COBLL1: variants seen among roughly 807,000 people sequenced by gnomAD.
COBLL1 encodes cordon-bleu protein-like 1.
A neutral mutation model predicts 94.8 loss-of-function variants in COBLL1; 50 were observed. That is an observed-to-expected ratio of 0.53 (90% CI 0.42 to 0.67). The LOEUF is 0.67. Among genes scored for constraint, COBLL1 ranks in the 30% least tolerant of loss-of-function variants. The pLI is 0.00. For synonymous variants in COBLL1, 448 were observed against 473.8 expected (o/e 0.95, Z 0.71); for missense variants, 1,362 against 1,348.7 (o/e 1.01, Z -0.15).
intron 2 of COBLL1, among the ~76,000 whole-genome samples, chr2:164,768,720 T>C (rs188355120): frequency 1.3e-3 from 204 of 152,300 alleles, no homozygotes; most frequent in African/African-American, 4.7e-3. Context: ...ATCTTATTAG[T>C]GTCATCAGAA....
chr2:164,779,627 GA>G (rs1688641712), intron 2 of COBLL1: 1 of 469,762 alleles, frequency 2.1e-6, no homozygotes, highest in African/African-American at 2.0e-5. Context: ...GCCTCCCACA[GA>G]TTCTCAGGCC....
chr2:164,829,590 T>G (rs1474677013), intron 2 of COBLL1, among the ~76,000 whole-genome samples: 1 of 152,014 alleles, frequency 6.6e-6, no homozygotes, highest in Admixed American at 6.5e-5. Context: ...TGTAAATACA[T>G]AAGCAGATCA....
At chr2:164,832,308 T>C (rs1001225556) in intron 2 of COBLL1, among the ~76,000 whole-genome samples, 9 of 152,220 alleles carry the variant, frequency 5.9e-5, no homozygotes, top group Non-Finnish European at 8.8e-5. Flanking sequence ...GGTAAAATGG[T>C]GTATTTAATT....
At chr2:164,821,939 T>C (rs1334355889) in intron 2 of COBLL1, among the ~76,000 whole-genome samples, 1 of 152,222 alleles carries the variant, frequency 6.6e-6, no homozygotes, top group Non-Finnish European at 1.5e-5. Context: ...ACTTTTCCTA[T>C]GGCTGATGTC....
chr2:164,729,917 T>A lies in COBLL1; in HGVS notation c.429A>T (p.Pro143=). ...LDKKKPTPII[P]EKTVRVVINF... is the part of the protein sequence containing the mutation. The stretch of plus-strand genomic sequence containing the variant: ...AAATATATAATGGAATTCTTACCTC[T>A]GGTATTATAGGTGTAGGTTTTTTCT... The change falls in exon 4 of 14, where the codon CCA becomes CCT. Residue 143 remains proline, a synonymous_variant. Transcript: ENST00000652658. 1 of 1,609,590 alleles carries A rather than the reference T, an allele frequency of 6.2e-7. No individual in the cohort carries two copies.
chr2:164,730,871 A>G (rs931113081), intron 3 of COBLL1, among the ~76,000 whole-genome samples: 2 of 152,236 alleles, frequency 1.3e-5, no homozygotes, highest in Admixed American at 1.3e-4. Context: ...TCTGCATAGG[A>G]AGTCCACAAA....
intron 11 of COBLL1, chr2:164,696,195 T>TAAAA (rs200333271): frequency 1.7e-5 from 2 of 117,930 alleles, no homozygotes; most frequent in African/African-American, 5.4e-5. Context: ...AGAAGGTAAA[T>TAAAA]AAAGTTTTTA....
At chr2:164,819,320 CAAGAG>C (rs1236325882) in intron 2 of COBLL1, among the ~76,000 whole-genome samples, 1 of 151,846 alleles carries the variant, frequency 6.6e-6, no homozygotes, top group African/African-American at 2.4e-5. Flanking sequence ...ATAAAGTCAA[CAAGAG>C]AAGAATGGAC....
chr2:164,668,405 G>A (rs1691198351), intron 1 of COBLL1, among the ~76,000 whole-genome samples: 1 of 152,166 alleles, frequency 6.6e-6, no homozygotes, highest in African/African-American at 2.4e-5. Context: ...AATATGTTGC[G>A]TCTCAGGAAA....
downstream of COBLL1, among the ~76,000 whole-genome samples, chr2:164,679,664 C>A (rs148262990): frequency 2.0e-3 from 300 of 151,764 alleles, 2 homozygotes; most frequent in South Asian, 0.023. Context: ...TTTCTCTCGT[C>A]CCTCTTAAAA....
chr2:164,745,407 G>A (rs1686811877), intron 2 of COBLL1, among the ~76,000 whole-genome samples: 1 of 152,126 alleles, frequency 6.6e-6, no homozygotes, highest in African/African-American at 2.4e-5. Flanking sequence ...CTGTAAAGAA[G>A]AATGCCCCCC....
intron 2 of COBLL1, among the ~76,000 whole-genome samples, chr2:164,664,282 A>G (rs974444237): frequency 2.6e-5 from 4 of 152,262 alleles, no homozygotes; most frequent in African/African-American, 9.6e-5. Flanking sequence ...GAGTCATCCC[A>G]TGGTGTTACA....
chr2:164,674,804 C>A (rs183850666), intron 1 of COBLL1, among the ~76,000 whole-genome samples: 1 of 152,112 alleles, frequency 6.6e-6, no homozygotes, highest in Non-Finnish European at 1.5e-5. Context: ...AACATTCATG[C>A]GTAATTTTCT....
At position 164,743,706 on chromosome 2, in the gene COBLL1, A is replaced by G. The variant is rs1686712446; in HGVS notation, c.211T>C (p.Ser71Pro). The change falls in exon 3 of 14, where the codon TCT becomes CCT. Residue 71 changes from serine to proline, a missense_variant. Ser to Pro is a moderately conservative substitution (Grantham distance 74). Coordinates refer to ENST00000652658, the MANE Select transcript of COBLL1 (RefSeq NM_001365672.2). ...SVVLPGDIIK[S>P]TTVHGSKPMM... ...GCGTACCTGCCATGAACAGTAGTAG[A>G]TTTGATAATATCCCCAGGTAGGACC... The G allele has an allele frequency of 1.2e-6, 2 of 1,613,298 alleles. No individual in the cohort carries two copies. Among genetic ancestry groups the G allele is most frequent in the Non-Finnish European group, 1.7e-6 (2 of 1,179,556 alleles).
chr2:164,791,184 T>G (rs1462502831), intron 2 of COBLL1, among the ~76,000 whole-genome samples: 1 of 152,232 alleles, frequency 6.6e-6, no homozygotes, highest in Non-Finnish European at 1.5e-5. Context: ...AAGTATTTTT[T>G]GCAGGTATTT....
chr2:164,800,853 CA>C (rs140961465), intron 2 of COBLL1, among the ~76,000 whole-genome samples: 17,824 of 152,188 alleles, frequency 0.12, 1,388 homozygotes, highest in Admixed American at 0.18. Context: ...ATTCAAACTA[CA>C]GTGACAAAGA....
At position 164,822,086 on chromosome 2, in the gene COBLL1, G is replaced by C. The variant is rs529273565; in HGVS notation, c.41+19070C>G. 2.6e-4 allele frequency among the ~76,000 whole-genome samples: 40 copies of C among 152,286 alleles called. 1 individual carries two copies. The South Asian group carries it at 7.5e-3, about 28-fold the overall frequency. ...TTAATACCCACGAGCCTAGGTAATAGATAAGTAATCCTCAATTTCAGATGG... is the reference window on the plus strand; with the variant it reads ...TTAATACCCACGAGCCTAGGTAATACATAAGTAATCCTCAATTTCAGATGG... On this transcript the variant is annotated intron_variant, in intron 2 of 13. Transcript: ENST00000652658.
chr2:164,818,673 G>A (rs1684995482), intron 2 of COBLL1, among the ~76,000 whole-genome samples: 1 of 148,326 alleles, frequency 6.7e-6, no homozygotes, highest in South Asian at 2.1e-4. Context: ...ATGTACATAT[G>A]TAAACATATA....
intron 2 of COBLL1, among the ~76,000 whole-genome samples, chr2:164,824,710 T>C (rs1036488623): frequency 6.6e-6 from 1 of 152,188 alleles, no homozygotes; most frequent in African/African-American, 2.4e-5. Context: ...GAAATGCAAG[T>C]CAATTGTGTT....
Sources: allele counts gnomAD v4.1 joint callset (sites outside exome capture counted in the v4.1 genomes callset), GRCh38; gene constraint gnomAD v4.1.1; transcripts MANE v1.5; gene names NCBI Gene and HGNC (gene_info 2026-07-23, HGNC 2026-07-21).